The following FANCC variants were observed in gnomAD, a reference collection of about 807,000 sequenced individuals.
The protein encoded by FANCC is Fanconi anemia group C protein.
Under a neutral mutation model 71.3 loss-of-function variants are expected in FANCC, and 55 were observed. The observed-to-expected ratio is 0.77, with a 90% CI of 0.62 to 0.97. The LOEUF (loss-of-function observed/expected upper bound fraction) is 0.97, where lower values mean the gene tolerates loss of function less well. Among genes scored for constraint, FANCC ranks in the 50% least tolerant of loss-of-function variants. The pLI is 0.00. For synonymous variants in FANCC, 275 were observed against 244.9 expected (o/e 1.12, Z -1.15); for missense variants, 678 against 670.9 (o/e 1.01, Z -0.12).
At chr9:95,206,254 T>C (rs1443756331) in intron 4 of FANCC, among the ~76,000 whole-genome samples, 1 of 152,190 alleles carries the variant, frequency 6.6e-6, no homozygotes, top group East Asian at 1.9e-4. Context: ...GAAAAGCCTG[T>C]GGAATGCTGT....
chr9:95,144,178 T>C (rs973669686), intron 7 of FANCC, among the ~76,000 whole-genome samples: 4 of 152,180 alleles, frequency 2.6e-5, no homozygotes, highest in African/African-American at 9.7e-5. Flanking sequence ...ATTGATTGGA[T>C]CAGCCTCGCT....
chr9:95,316,583 G>C (rs4647356), intron 1 of FANCC, among the ~76,000 whole-genome samples: 15 of 152,332 alleles, frequency 9.8e-5, no homozygotes, highest in African/African-American at 3.6e-4. Context: ...TGGGGCACAA[G>C]TTAGAATAAA....
intron 6 of FANCC, among the ~76,000 whole-genome samples, chr9:95,162,879 T>C (rs1402488887): frequency 1.3e-5 from 2 of 152,248 alleles, no homozygotes; most frequent in African/African-American, 4.8e-5. Flanking sequence ...GATTTAAGGT[T>C]TGAAAATATT....
chr9:95,163,329 T>C (rs1044464425), intron 6 of FANCC, among the ~76,000 whole-genome samples: 1 of 152,210 alleles, frequency 6.6e-6, no homozygotes, highest in African/African-American at 2.4e-5. Flanking sequence ...CTGTTTTGAT[T>C]ACTGTGGCTT....
At chr9:95,274,382 C>A (rs1832919547) in intron 1 of FANCC, among the ~76,000 whole-genome samples, 1 of 152,180 alleles carries the variant, frequency 6.6e-6, no homozygotes. Flanking sequence ...ATATAGTATT[C>A]CATGGTGTAT....
chr9:95,208,191 G>A (rs1029349595), intron 4 of FANCC, among the ~76,000 whole-genome samples: 11 of 132,330 alleles, frequency 8.3e-5, no homozygotes, highest in Non-Finnish European at 1.2e-4. Flanking sequence ...ACTGCCTCCC[G>A]AGTTCAAGCG....
At chr9:95,137,568 G>A (rs1049657070) in intron 7 of FANCC, among the ~76,000 whole-genome samples, 1 of 152,176 alleles carries the variant, frequency 6.6e-6, no homozygotes, top group Admixed American at 6.5e-5. Context: ...ATGAAAAGAA[G>A]AGAAGAAATG....
intron 1 of FANCC, among the ~76,000 whole-genome samples, chr9:95,271,732 T>A (rs1023376366): frequency 6.6e-6 from 1 of 152,002 alleles, no homozygotes; most frequent in Admixed American, 6.6e-5. Flanking sequence ...TTTTTTTTGA[T>A]CTGAAGATTC....
chr9:95,186,865 C>T (rs1324545663), intron 4 of FANCC, among the ~76,000 whole-genome samples: 1 of 150,124 alleles, frequency 6.7e-6, no homozygotes, highest in Non-Finnish European at 1.5e-5. Flanking sequence ...GATCTCAGCT[C>T]ATAGCAACCT....
Position 95,108,278 on chromosome 9 carries a change from G to A in FANCC, c.1330-1009C>T, listed in dbSNP as rs117795230. On this transcript the variant is annotated intron_variant, in intron 13 of 14. Coordinates refer to ENST00000289081, the MANE Select transcript of FANCC (RefSeq NM_000136.3). ...ACCATCGGGCTCTTCCACGGGGAGCGGCAGCGCTCCAGCAGGGCAGGCCTC... is the reference window on the plus strand; with the variant it reads ...ACCATCGGGCTCTTCCACGGGGAGCAGCAGCGCTCCAGCAGGGCAGGCCTC... 3.0e-3 allele frequency among the ~76,000 whole-genome samples: 460 copies of A among 152,326 alleles called. 8 individuals are homozygous for A. In the South Asian group the frequency reaches 0.039, roughly 13 times the overall value.
intron 14 of FANCC, among the ~76,000 whole-genome samples, chr9:95,102,903 G>A (rs567693034): frequency 1.3e-4 from 20 of 152,356 alleles, no homozygotes; most frequent in Middle Eastern, 3.4e-3. Flanking sequence ...GCCTGCAGCC[G>A]GCCTGCAACG....
intron 1 of FANCC, among the ~76,000 whole-genome samples, chr9:95,308,928 A>G (rs1835222301): frequency 6.6e-6 from 1 of 152,148 alleles, no homozygotes; most frequent in African/African-American, 2.4e-5. Context: ...GGATCACTTG[A>G]GTCCAGGAGG....
intron 7 of FANCC, among the ~76,000 whole-genome samples, chr9:95,137,610 G>C (rs1348335842): frequency 6.6e-6 from 1 of 152,206 alleles, no homozygotes; most frequent in African/African-American, 2.4e-5. Flanking sequence ...AGATCAGTTT[G>C]AGGTGTGTGG....
chr9:95,236,713 AAT>A (rs1467510150), intron 4 of FANCC, among the ~76,000 whole-genome samples: 4 of 152,354 alleles, frequency 2.6e-5, no homozygotes, highest in Non-Finnish European at 4.4e-5. Context: ...TCATACTTGT[AAT>A]GCTCCAGTAA....
intron 4 of FANCC, among the ~76,000 whole-genome samples, chr9:95,177,416 T>C (rs1398789526): frequency 2.6e-5 from 4 of 152,222 alleles, no homozygotes; most frequent in Non-Finnish European, 5.9e-5. Flanking sequence ...AAGACATGAC[T>C]CTGCACCACT....
chr9:95,243,573 A>T (rs1007799312), intron 3 of FANCC, among the ~76,000 whole-genome samples: 1 of 152,010 alleles, frequency 6.6e-6, no homozygotes, highest in African/African-American at 2.4e-5. Context: ...TCACAAGGTC[A>T]GGAGATCAAG....
rs563471938 is a variant in FANCC at position 95,195,458 on chromosome 9, C to G, written c.346-23311G>C. Among the ~76,000 whole-genome samples the G allele has an allele frequency of 4.4e-4, 67 of 152,232 alleles. No individual in the cohort carries two copies. In the South Asian group the frequency reaches 0.012, roughly 27 times the overall value. Reference sequence around the variant, plus strand: ...TGGGTCTATTTCCAGGTTCTCTGTTCTGTTCCATTCATCTATGTGTCCACG... The same window carrying G: ...TGGGTCTATTTCCAGGTTCTCTGTTGTGTTCCATTCATCTATGTGTCCACG... On this transcript the variant is annotated intron_variant, in intron 4 of 14. Transcript: ENST00000289081.
chr9:95,109,185 T>G (rs1285057681), intron 13 of FANCC, among the ~76,000 whole-genome samples: 3 of 152,164 alleles, frequency 2.0e-5, no homozygotes, highest in Non-Finnish European at 4.4e-5. Context: ...GTGCTGAGAT[T>G]ACAGGCATGA....
chr9:95,271,756 T>C (rs1441801255), intron 1 of FANCC, among the ~76,000 whole-genome samples: 1 of 151,848 alleles, frequency 6.6e-6, no homozygotes, highest in Non-Finnish European at 1.5e-5. Context: ...TCTACCAATA[T>C]ACCAAAGGTT....
Sources: allele counts gnomAD v4.1 joint callset (sites outside exome capture counted in the v4.1 genomes callset), GRCh38; gene constraint gnomAD v4.1.1; transcripts MANE v1.5; gene names NCBI Gene and HGNC (gene_info 2026-07-23, HGNC 2026-07-21).